TNRC18: variants seen among roughly 807,000 people sequenced by gnomAD.
TNRC18 encodes trinucleotide repeat-containing gene 18 protein.
In TNRC18, 69 loss-of-function variants were observed where a neutral mutation model predicts 226.7. The observed-to-expected ratio is 0.30, with a 90% confidence interval of 0.25 to 0.37. TNRC18 has a LOEUF of 0.37. Among genes scored for constraint, TNRC18 ranks in the 10% least tolerant of loss-of-function variants. The pLI, the probability that TNRC18 is intolerant of heterozygous loss-of-function variation, is 1.00. For synonymous variants in TNRC18, 2,449 were observed against 1,927.6 expected, an observed-to-expected ratio of 1.27 and a Z score of -7.09; for missense variants, 4,754 against 4,256.6, an observed-to-expected ratio of 1.12 and a Z score of -3.25.
chr7:5,362,575 T>G (rs1322470762), intron 12 of TNRC18, 75 bp downstream of exon 12: 1 of 1,380,974 alleles, frequency 7.2e-7, no homozygotes. Context: ...CCCCAGGCAG[T>G]AGGGCACCTC....
rs868165047 is a variant in TNRC18 at position 5,356,448 on chromosome 7, G to A, written c.5194+468C>T. On this transcript the variant is annotated intron_variant, in intron 16 of 29. Transcript: ENST00000430969. ...AACACTGCTTCCGCCAACACTTCGC[G>A]ACAAAGCCGTGGTCCGCAACAGACG... 2.5e-4 allele frequency among the ~76,000 whole-genome samples: 38 copies of A among 152,312 alleles called. No individual in the cohort carries two copies. In the Middle Eastern group the frequency reaches 0.017, roughly 68 times the overall value.
chr7:5,388,202 A>G lies in TNRC18; in HGVS notation c.1622T>C (p.Val541Ala). 6.3e-7 allele frequency: 1 copy of G among 1,594,994 alleles called. No homozygotes were observed. The highest frequency in any genetic ancestry group is 8.5e-7 in the Non-Finnish European group (1 of 1,172,196). Residue 541 changes from valine to alanine, a missense_variant, in exon 5 of 30, where the codon GTG (valine) becomes GCG (alanine). By Grantham distance (64) the Val-to-Ala change is moderately conservative (BLOSUM62 0). Coordinates refer to ENST00000430969, the MANE Select transcript of TNRC18 (RefSeq NM_001080495.3). ...CTTCTTGGAGGAGGAGGCAGCGACC[A>G]CGGCGGCCTCCTCTTCGGCGCGGCT... ...HHSRAEEEAA[V>A]VAASSSKKAY...
chr7:5,325,525 G>A (rs1057159540), intron 19 of TNRC18: 9 of 361,002 alleles, frequency 2.5e-5, no homozygotes, highest in African/African-American at 1.3e-4. Flanking sequence ...CCGGGTTCAC[G>A]CCATTCTCCT....
At chr7:5,362,186 C>A (rs1793125035) in intron 12 of TNRC18, among the ~76,000 whole-genome samples, 153 bp from the exon 13 acceptor site, 1 of 152,190 alleles carries the variant, frequency 6.6e-6, no homozygotes, top group African/African-American at 2.4e-5. Flanking sequence ...GTGGCCATGG[C>A]CTCATCGTAT....
At chr7:5,386,013 G>A (rs1342365223) in intron 5 of TNRC18, among the ~76,000 whole-genome samples, 2 of 138,470 alleles carry the variant, frequency 1.4e-5, no homozygotes, top group Non-Finnish European at 3.1e-5. Flanking sequence ...AAAAACAGAT[G>A]CGGTGGCTCA....
At chr7:5,399,006 TCA>T (rs1191311479) in intron 2 of TNRC18, among the ~76,000 whole-genome samples, 1 of 152,078 alleles carries the variant, frequency 6.6e-6, no homozygotes, top group African/African-American at 2.4e-5. Flanking sequence ...ATCCCGCAAC[TCA>T]CAAAAGAGGC....
intron 2 of TNRC18, among the ~76,000 whole-genome samples, chr7:5,400,771 G>A (rs1011789799): frequency 2.0e-5 from 3 of 152,146 alleles, no homozygotes; most frequent in Non-Finnish European, 4.4e-5. Flanking sequence ...TGGCGTGGTG[G>A]CTCACACCTT....
At chr7:5,386,574 C>CAA (rs113287458) in intron 5 of TNRC18, among the ~76,000 whole-genome samples, 106 of 133,020 alleles carry the variant, frequency 8.0e-4, no homozygotes, top group African/African-American at 2.1e-3. Context: ...ACTCTGTCTC[C>CAA]AAAAAAAAAA....
intron 5 of TNRC18, among the ~76,000 whole-genome samples, chr7:5,379,936 G>A (rs1049353570): frequency 6.6e-6 from 1 of 152,196 alleles, no homozygotes; most frequent in Non-Finnish European, 1.5e-5. Context: ...CCACCCCCAA[G>A]GGCCCAGTCC....
At chr7:5,410,901 AGAG>A (rs1199654628) in intron 2 of TNRC18, among the ~76,000 whole-genome samples, 2 of 147,934 alleles carry the variant, frequency 1.4e-5, no homozygotes, top group African/African-American at 5.0e-5. Flanking sequence ...AGAAAAGAGA[AGAG>A]GAGAGAAAAG....
At chr7:5,407,931 C>T (rs1172339896) in intron 2 of TNRC18, among the ~76,000 whole-genome samples, 2 of 152,174 alleles carry the variant, frequency 1.3e-5, no homozygotes, top group African/African-American at 4.8e-5. Flanking sequence ...AACCAGATCT[C>T]CCAGGCAAAG....
At chr7:5,374,015 G>A (rs1206058859) in intron 10 of TNRC18, 40 bp downstream of exon 10, 3 of 1,454,326 alleles carry the variant, frequency 2.1e-6, no homozygotes, top group African/African-American at 3.0e-5. Flanking sequence ...TACCGCTCCA[G>A]GGGCAGAGTG....
At chr7:5,393,167 G>A (rs1360890787) in intron 3 of TNRC18, among the ~76,000 whole-genome samples, 1 of 152,250 alleles carries the variant, frequency 6.6e-6, no homozygotes, top group Non-Finnish European at 1.5e-5. Context: ...CAGAGAGGTA[G>A]TGAGCTGGTG....
chr7:5,320,163 C>T, intron 24 of TNRC18, 155 bp downstream of exon 24: 1 of 630,654 alleles, frequency 1.6e-6, no homozygotes, highest in Non-Finnish European at 2.9e-6. Flanking sequence ...TTAAATGGTG[C>T]CTGGATCCAA....
chr7:5,313,154 C>G lies in TNRC18; in HGVS notation c.7737G>C (p.Ser2579=), dbSNP rs769922473. The G allele has an allele frequency of 2.0e-6, 3 of 1,529,602 alleles. No individual in the cohort carries two copies. The highest frequency in any genetic ancestry group is 2.0e-5 in the Admixed American group (1 of 50,912). The allele number at this position is 1,529,602 out of a possible 1,614,324, so 94.8% of individuals were successfully genotyped here. Reference sequence around the variant, plus strand: ...CGCCTTCCTCCTCCCCTTCTGTCTCCGAGCCGCTGCTGCTGCTGCTGCTGC... The same window carrying G: ...CGCCTTCCTCCTCCCCTTCTGTCTCGGAGCCGCTGCTGCTGCTGCTGCTGC... ...SSSSSSSSSG[S]ETEGEEEGDK... The change falls in exon 27 of 30, where the codon TCG becomes TCC. Residue 2579 remains serine, a synonymous_variant. Transcript: ENST00000430969.
In TNRC18 at chr7:5,309,143, G is replaced by A. The variant is rs1312114196; in HGVS notation, c.8614C>T (p.His2872Tyr). ...PEETSPGKQF[H>Y]QGQHWDQKSS... ...GGCCGCAGGCTCACCTGGCCCTGGT[G>A]GAACTGCTTGCCCGGGCTGGTCTCC... Residue 2872 changes from histidine to tyrosine, a missense_variant, in exon 28 of 30, where the codon CAC (histidine) becomes TAC (tyrosine). Coordinates refer to ENST00000430969, the MANE Select transcript of TNRC18 (RefSeq NM_001080495.3). This position sits in a 1 kb window ranked among gnomAD's most constrained non-coding sequence, Gnocchi z 5.7. 3 of 1,609,510 alleles carry A rather than the reference G, an allele frequency of 1.9e-6. No individual in the cohort carries two copies. The highest frequency in any genetic ancestry group is 1.3e-5 in the African/African-American group (1 of 74,804).
chr7:5,351,695 G>A (rs2128146476), intron 17 of TNRC18, 124 bp downstream of exon 17: 13 of 1,105,952 alleles, frequency 1.2e-5, no homozygotes, highest in Middle Eastern at 2.6e-4. Context: ...CCTTCTTGCG[G>A]CCATCCGCAC....
intron 5 of TNRC18, among the ~76,000 whole-genome samples, chr7:5,379,865 G>A (rs1356836214): frequency 6.6e-6 from 1 of 152,212 alleles, no homozygotes; most frequent in African/African-American, 2.4e-5. Flanking sequence ...CCGGGAAGAG[G>A]GGTGGGCTGG....
rs73673111 is a variant in TNRC18, at chr7:5,307,719, G to A, written c.*387C>T. 2,577 of 335,258 alleles carry A rather than the reference G, an allele frequency of 7.7e-3. 65 individuals carry two copies. The highest frequency in any genetic ancestry group is 0.05 in the African/African-American group (2,302 of 46,346). 20.8% of individuals were successfully genotyped at this position (335,258 alleles called of 1,614,324 possible). ...AGCGTCAGTTTGGTTCCTTAGAAGC[G>A]CCCCTCCCCACCGAATCCCCAGTCT... On this transcript the variant is annotated 3_prime_UTR_variant, in exon 30 of 30. Transcript: ENST00000430969.
Sources: allele counts gnomAD v4.1 joint callset (sites outside exome capture counted in the v4.1 genomes callset), GRCh38; gene constraint gnomAD v4.1.1; non-coding constraint Gnocchi (gnomAD v3.1); transcripts MANE v1.5; gene names NCBI Gene and HGNC (gene_info 2026-07-23, HGNC 2026-07-21).